The following MNAT1 variants were observed in gnomAD, a reference collection of about 807,000 sequenced individuals.
MNAT1 encodes the protein MNAT1 component of CDK activating kinase, also known as CDK-activating kinase assembly factor MAT1.
Under a neutral mutation model 42.0 loss-of-function variants are expected in MNAT1, and 43 were observed. The observed-to-expected ratio is 1.02, with a 90% confidence interval of 0.80 to 1.32. MNAT1 has a LOEUF of 1.32. Ranked by LOEUF, MNAT1 falls within the 40% of genes most tolerant of loss-of-function variation. The pLI is 0.00. For synonymous variants in MNAT1, 118 were observed against 120.0 expected, an observed-to-expected ratio of 0.98 and a Z score of 0.11; for missense variants, 306 against 350.4, an observed-to-expected ratio of 0.87 and a Z score of 1.01.
chr14:60,949,824 A>G (rs2036348521), intron 7 of MNAT1, among the ~76,000 whole-genome samples: 1 of 152,060 alleles, frequency 6.6e-6, no homozygotes, highest in African/African-American at 2.4e-5. Flanking sequence ...CCAAAGTGAT[A>G]TTGTGGTTTT....
chr14:60,833,672 T>C (rs767754746), intron 6 of MNAT1, among the ~76,000 whole-genome samples: 5 of 152,012 alleles, frequency 3.3e-5, no homozygotes, highest in African/African-American at 7.2e-5. Flanking sequence ...GATTTTGGTG[T>C]CAGGATACTG....
intron 6 of MNAT1, among the ~76,000 whole-genome samples, chr14:60,823,676 T>C (rs1167301701): frequency 6.6e-6 from 1 of 150,796 alleles, no homozygotes; most frequent in Non-Finnish European, 1.5e-5. Context: ...CTGGGCAACA[T>C]GGCAAAACCC....
intron 7 of MNAT1, among the ~76,000 whole-genome samples, chr14:60,945,054 GAAGACCTGAATCAGAGTTTC>G (rs1409755886): frequency 6.6e-6 from 1 of 152,162 alleles, no homozygotes; most frequent in Admixed American, 6.5e-5. Flanking sequence ...CAGCTAATGT[GAAGACCTGAATCAGAGTTTC>G]AAAGCTACTA....
chr14:60,915,308 A>C (rs2035488289), intron 7 of MNAT1, among the ~76,000 whole-genome samples: 1 of 152,136 alleles, frequency 6.6e-6, no homozygotes, highest in Non-Finnish European at 1.5e-5. Context: ...CCCTTATTTC[A>C]CTTGCCCTAT....
intron 1 of MNAT1, among the ~76,000 whole-genome samples, chr14:60,738,618 C>T (rs573651162): frequency 8.0e-4 from 121 of 152,076 alleles, no homozygotes; most frequent in African/African-American, 2.8e-3. Context: ...TCACCACAAC[C>T]TCTGCCTCCC....
intron 7 of MNAT1, among the ~76,000 whole-genome samples, chr14:60,942,128 A>T (rs2036177160): frequency 6.6e-6 from 1 of 152,046 alleles, no homozygotes; most frequent in Non-Finnish European, 1.5e-5. Context: ...AAGCTGATGA[A>T]AATACTTTTA....
chr14:60,838,090 C>G (rs1284244215), intron 6 of MNAT1, among the ~76,000 whole-genome samples: 4 of 151,962 alleles, frequency 2.6e-5, no homozygotes, highest in Admixed American at 6.6e-5. Flanking sequence ...TATCAGTTTT[C>G]TTGATCTGTT....
At chr14:60,788,147 G>A (rs1202393677) in intron 1 of MNAT1, among the ~76,000 whole-genome samples, 1 of 152,098 alleles carries the variant, frequency 6.6e-6, no homozygotes, top group African/African-American at 2.4e-5. Context: ...TGACCCATGG[G>A]CTTTTGAATG....
chr14:60,901,039 A>AG (rs2035062762), intron 7 of MNAT1, among the ~76,000 whole-genome samples: 1 of 150,872 alleles, frequency 6.6e-6, no homozygotes, highest in African/African-American at 2.5e-5. Context: ...AAAAAAAAAA[A>AG]AAAAGTCAAT....
chr14:60,810,500 A>G (rs906600624), intron 4 of MNAT1, among the ~76,000 whole-genome samples: 3 of 151,930 alleles, frequency 2.0e-5, no homozygotes, highest in Non-Finnish European at 4.4e-5. Context: ...CCTTCTTAGT[A>G]CTGCTTTTTT....
chr14:60,861,773 C>T (rs2034101561), intron 6 of MNAT1, among the ~76,000 whole-genome samples: 2 of 152,006 alleles, frequency 1.3e-5, no homozygotes, highest in South Asian at 4.1e-4. Context: ...TTTTTGCTTT[C>T]AACAAGGCAA....
At chr14:60,832,939 A>G (rs1055263643) in intron 6 of MNAT1, among the ~76,000 whole-genome samples, 2 of 152,118 alleles carry the variant, frequency 1.3e-5, no homozygotes, top group African/African-American at 2.4e-5. Flanking sequence ...ATTTGTAGCA[A>G]TTGTGAATGG....
intron 1 of MNAT1, among the ~76,000 whole-genome samples, chr14:60,758,799 G>T (rs1224121750): frequency 2.0e-5 from 3 of 152,102 alleles, no homozygotes; most frequent in African/African-American, 7.2e-5. Context: ...GTGTCGCTTT[G>T]AAAGCCCCTT....
chr14:60,763,036 G>T (rs553313112), intron 1 of MNAT1, among the ~76,000 whole-genome samples: 6 of 152,186 alleles, frequency 3.9e-5, no homozygotes, highest in Admixed American at 1.3e-4. Flanking sequence ...ATAGATAAAA[G>T]AATATATTTT....
intron 7 of MNAT1, among the ~76,000 whole-genome samples, chr14:60,886,356 A>G (rs1038499188): frequency 6.6e-6 from 1 of 152,026 alleles, no homozygotes; most frequent in African/African-American, 2.4e-5. Context: ...TTTTAACAAT[A>G]TTCCTCTATT....
chr14:60,880,010 C>G (rs745516921), intron 7 of MNAT1, 175 bp downstream of exon 7: 1 of 481,146 alleles, frequency 2.1e-6, no homozygotes, highest in East Asian at 3.8e-5. Context: ...TTTCTGTGGA[C>G]TTGTTAGGTC....
chr14:60,745,595 T>G (rs924811366), intron 1 of MNAT1, among the ~76,000 whole-genome samples: 16 of 152,150 alleles, frequency 1.1e-4, no homozygotes, highest in East Asian at 1.9e-4. Flanking sequence ...TTTTGTATTT[T>G]TAATAGAGAT....
intron 1 of MNAT1, among the ~76,000 whole-genome samples, chr14:60,778,259 T>A (rs1289929167): frequency 6.6e-6 from 1 of 152,180 alleles, no homozygotes; most frequent in Non-Finnish European, 1.5e-5. Flanking sequence ...CAGATAATTA[T>A]AATAAATAGA....
At chr14:60,755,849 G>T (rs1383870656) in intron 1 of MNAT1, among the ~76,000 whole-genome samples, 1 of 152,200 alleles carries the variant, frequency 6.6e-6, no homozygotes, top group African/African-American at 2.4e-5. Flanking sequence ...CATTGAAACT[G>T]AGTGCAACAG....
Sources: allele counts gnomAD v4.1 joint callset (sites outside exome capture counted in the v4.1 genomes callset), GRCh38; gene constraint gnomAD v4.1.1; transcripts MANE v1.5; gene names NCBI Gene and HGNC (gene_info 2026-07-23, HGNC 2026-07-21).